SYNPR: variants seen among roughly 807,000 people sequenced by gnomAD.
SYNPR encodes the protein synaptoporin.
In SYNPR, 23 loss-of-function variants were observed where a neutral mutation model predicts 32.9. The ratio of observed to expected loss-of-function variants is 0.70; its 90% confidence interval spans 0.50 to 0.99. The LOEUF (loss-of-function observed/expected upper bound fraction) is 0.99, where lower values mean the gene tolerates loss of function less well. SYNPR is among the 50% of genes least tolerant of loss of function. The probability of loss-of-function intolerance (pLI) is 0.00; values close to 1 mark genes in which losing one functional copy is unlikely to be tolerated. For missense variants in SYNPR, 318 were observed against 349.3 expected (o/e 0.91, Z 0.71); for synonymous variants, 146 against 135.9 (o/e 1.07, Z -0.52).
In SYNPR at chr3:63,296,282, A is replaced by G. The variant is rs377239302; in HGVS notation, c.84+17540A>G. On this transcript the variant is annotated intron_variant, in intron 2 of 5. Transcript: ENST00000478300. ...AATAGTATGAAGTTTTAATGTTAGAAATGCTATTTCTCAAACATTGTGAGG... is the reference window on the plus strand; with the variant it reads ...AATAGTATGAAGTTTTAATGTTAGAGATGCTATTTCTCAAACATTGTGAGG... Among the ~76,000 whole-genome samples the G allele has an allele frequency of 3.0e-3, 347 of 114,612 alleles. 5 individuals carry two copies. Among genetic ancestry groups the G allele is most frequent in the African/African-American group, 0.011 (321 of 29,742 alleles). 75.2% of individuals were successfully genotyped at this position (114,612 alleles called of 152,430 possible).
chr3:63,243,819 C>A (rs9877436), intron 1 of SYNPR, among the ~76,000 whole-genome samples: 1 of 151,670 alleles, frequency 6.6e-6, no homozygotes, highest in Non-Finnish European at 1.5e-5. Flanking sequence ...ACCAATTTTT[C>A]TTTTGTTTTT....
intron 1 of SYNPR, among the ~76,000 whole-genome samples, chr3:63,243,210 A>G (rs1288934778): frequency 6.6e-6 from 1 of 152,070 alleles, no homozygotes; most frequent in Non-Finnish European, 1.5e-5. Flanking sequence ...CTAAGATTCA[A>G]GGAGCACCCT....
intron 2 of SYNPR, among the ~76,000 whole-genome samples, chr3:63,284,926 G>A (rs2086666465): frequency 6.6e-6 from 1 of 152,138 alleles, no homozygotes; most frequent in Non-Finnish European, 1.5e-5. Context: ...GTTTCTCCAG[G>A]AGGCTCAAAG....
At chr3:63,420,044 T>C (rs2088587853) in intron 2 of SYNPR, among the ~76,000 whole-genome samples, 1 of 152,192 alleles carries the variant, frequency 6.6e-6, no homozygotes, top group South Asian at 2.1e-4. Context: ...GAAACATATG[T>C]AAAATGTTAT....
chr3:63,568,732 A>G (rs796998341), intron 4 of SYNPR, among the ~76,000 whole-genome samples: 2 of 152,262 alleles, frequency 1.3e-5, no homozygotes, highest in African/African-American at 2.4e-5. Flanking sequence ...AGAGAAAAAG[A>G]TAGAGGGAGA....
intron 2 of SYNPR, among the ~76,000 whole-genome samples, chr3:63,335,120 C>T (rs1427422171): frequency 6.6e-6 from 1 of 152,068 alleles, no homozygotes; most frequent in Non-Finnish European, 1.5e-5. Flanking sequence ...TTTGGGAGGC[C>T]GAGGCGGGTG....
chr3:63,201,707 A>G, the SYNPR span, among the ~76,000 whole-genome samples: 1 of 137,326 alleles, frequency 7.3e-6, no homozygotes, highest in African/African-American at 2.5e-5. Context: ...ACATTTTAAA[A>G]TGTTTTGTTA....
chr3:63,372,600 A>C (rs1258231435), intron 2 of SYNPR, among the ~76,000 whole-genome samples: 3 of 152,154 alleles, frequency 2.0e-5, no homozygotes, highest in Non-Finnish European at 2.9e-5. Context: ...CCCACAGCAC[A>C]GCAGTTCCAC....
At chr3:63,205,247 G>C in the SYNPR span, among the ~76,000 whole-genome samples, 1 of 152,178 alleles carries the variant, frequency 6.6e-6, no homozygotes, top group African/African-American at 2.4e-5. Context: ...ACACTTAGCA[G>C]ACAGTACCTG....
intron 1 of SYNPR, among the ~76,000 whole-genome samples, chr3:63,241,388 G>A (rs1198237691): frequency 2.0e-5 from 3 of 152,096 alleles, no homozygotes; most frequent in African/African-American, 7.2e-5. Context: ...GTGCTTCAGG[G>A]AAGCCTGGAC....
chr3:63,265,241 C>CATTTTTTTTTT (rs1553862106), intron 2 of SYNPR, among the ~76,000 whole-genome samples: 1 of 102,214 alleles, frequency 9.8e-6, no homozygotes, highest in Non-Finnish European at 1.9e-5. Flanking sequence ...TAATGACATT[C>CATTTTTTTTTT]TTTTTTTTTT....
At chr3:63,386,600 T>TTTCCTTCCTTCCTTCCTTCCTTCCTTCC in intron 2 of SYNPR, among the ~76,000 whole-genome samples, 1 of 92,318 alleles carries the variant, frequency 1.1e-5, no homozygotes, top group African/African-American at 5.8e-5. Context: ...TTGGATTATA[T>TTTCCTTCCTTCCTTCCTTCCTTCCTTCC]TTACTTCCTT....
At chr3:63,210,613 C>T in the SYNPR span, among the ~76,000 whole-genome samples, 1 of 152,096 alleles carries the variant, frequency 6.6e-6, no homozygotes, top group South Asian at 2.1e-4. Flanking sequence ...TTTTGATGCT[C>T]CTGTCCAGAA....
chr3:63,344,372 T>A (rs1174922213), intron 2 of SYNPR, among the ~76,000 whole-genome samples: 1 of 152,100 alleles, frequency 6.6e-6, no homozygotes, highest in Non-Finnish European at 1.5e-5. Flanking sequence ...ATTTCAGAAG[T>A]GCTGCTTTTT....
rs952405945 is a variant in SYNPR at position 63,340,610 on chromosome 3, G to A, written c.84+61868G>A. Among the ~76,000 whole-genome samples the A allele has an allele frequency of 6.6e-5, 10 of 151,440 alleles. No individual in the cohort carries two copies. In the East Asian group the frequency reaches 9.7e-4, roughly 15 times the overall value. On this transcript the variant is annotated intron_variant, in intron 2 of 5. Transcript: ENST00000478300. ...AATTTTTTGTATTTTTAGTAGAGAC[G>A]GGGTTTCACCGTTTTAGCCGGGATG...
chr3:63,244,180 C>T (rs948739339), intron 1 of SYNPR, among the ~76,000 whole-genome samples: 5 of 152,060 alleles, frequency 3.3e-5, no homozygotes, highest in African/African-American at 1.2e-4. Flanking sequence ...ATGGTGGGAA[C>T]TGAGGCCATG....
chr3:63,318,442 T>A (rs1430494347), intron 2 of SYNPR, among the ~76,000 whole-genome samples: 1 of 151,970 alleles, frequency 6.6e-6, no homozygotes, highest in Non-Finnish European at 1.5e-5. Flanking sequence ...GGAGACTTTG[T>A]TCATATTTTC....
chr3:63,595,350 C>T (rs1334426330), intron 4 of SYNPR, among the ~76,000 whole-genome samples: 1 of 151,972 alleles, frequency 6.6e-6, no homozygotes, highest in Non-Finnish European at 1.5e-5. Flanking sequence ...ATTTAAAACA[C>T]CAGCCCTGAG....
At chr3:63,374,783 CA>C (rs1488850272) in intron 2 of SYNPR, among the ~76,000 whole-genome samples, 1 of 152,150 alleles carries the variant, frequency 6.6e-6, no homozygotes, top group East Asian at 1.9e-4. Flanking sequence ...CAGCCTCCCT[CA>C]AATTATGTTT....
Sources: allele counts gnomAD v4.1 joint callset (sites outside exome capture counted in the v4.1 genomes callset), GRCh38; gene constraint gnomAD v4.1.1; transcripts MANE v1.5; gene names NCBI Gene and HGNC (gene_info 2026-07-23, HGNC 2026-07-21).